PCGF5: variants seen among roughly 807,000 people sequenced by gnomAD.
PCGF5 encodes polycomb group RING finger protein 5.
A neutral mutation model predicts 44.3 loss-of-function variants in PCGF5; 9 were observed. The ratio of observed to expected loss-of-function variants is 0.20; its 90% CI spans 0.12 to 0.35. PCGF5 has a LOEUF of 0.35. PCGF5 is among the 10% of genes least tolerant of loss of function. The pLI is 1.00. For missense variants in PCGF5, 146 were observed against 305.3 expected (o/e 0.48, Z 3.89); for synonymous variants, 95 against 102.5 (o/e 0.93, Z 0.44).
At chr10:91,256,832 T>G (rs577408232) in intron 6 of PCGF5, among the ~76,000 whole-genome samples, 4 of 151,988 alleles carry the variant, frequency 2.6e-5, no homozygotes, top group Non-Finnish European at 4.4e-5. Flanking sequence ...TAAGTCTATA[T>G]TCATCAAAAA....
At chr10:91,234,022 G>T (rs1845085184) in intron 2 of PCGF5, among the ~76,000 whole-genome samples, 1 of 152,178 alleles carries the variant, frequency 6.6e-6, no homozygotes, top group African/African-American at 2.4e-5. Context: ...GCAGAAATTT[G>T]TATATTTTGA....
intron 2 of PCGF5, chr10:91,227,949 G>A (rs1234525222): frequency 9.5e-5 from 92 of 966,898 alleles, no homozygotes; most frequent in Non-Finnish European, 1.1e-4. Context: ...TAAATGCATG[G>A]CTAATAAGTT....
intron 2 of PCGF5, among the ~76,000 whole-genome samples, chr10:91,237,842 A>G (rs1330197619): frequency 1.3e-5 from 2 of 152,012 alleles, no homozygotes; most frequent in Non-Finnish European, 2.9e-5. Flanking sequence ...CCTCTTTTTT[A>G]CCAGCAAAAG....
intron 1 of PCGF5, among the ~76,000 whole-genome samples, chr10:91,186,834 C>T (rs1156422705): frequency 6.6e-6 from 1 of 152,070 alleles, no homozygotes; most frequent in East Asian, 1.9e-4. Flanking sequence ...GATTGCTTTA[C>T]ATTTATATAC....
chr10:91,263,086 C>T (rs952435582), intron 7 of PCGF5, among the ~76,000 whole-genome samples: 5 of 152,156 alleles, frequency 3.3e-5, no homozygotes, highest in Admixed American at 2.0e-4. Flanking sequence ...AAGGACTTTT[C>T]CTGTGACTTT....
chr10:91,192,836 G>T (rs1844057603), intron 1 of PCGF5, among the ~76,000 whole-genome samples: 1 of 152,102 alleles, frequency 6.6e-6, no homozygotes, highest in Non-Finnish European at 1.5e-5. Context: ...GAAAGGAGAT[G>T]TGGCAGGCAG....
At chr10:91,234,106 A>G (rs1845087124) in intron 2 of PCGF5, among the ~76,000 whole-genome samples, 1 of 152,214 alleles carries the variant, frequency 6.6e-6, no homozygotes, top group African/African-American at 2.4e-5. Context: ...CTAAGATAGC[A>G]ACAACAAATG....
chr10:91,269,534 T>G (rs1846127809), intron 8 of PCGF5, among the ~76,000 whole-genome samples: 1 of 152,182 alleles, frequency 6.6e-6, no homozygotes, highest in South Asian at 2.1e-4. Context: ...ATTTAGATTT[T>G]TTTCAAATTT....
intron 1 of PCGF5, among the ~76,000 whole-genome samples, chr10:91,202,077 T>G (rs2133235760): frequency 6.6e-6 from 1 of 152,352 alleles, no homozygotes; most frequent in Non-Finnish European, 1.5e-5. Flanking sequence ...CCTCAATTTC[T>G]TCTTTCCCAA....
At chr10:91,227,821 A>G in intron 2 of PCGF5, 1 of 988,190 alleles carries the variant, frequency 1.0e-6, no homozygotes, top group Non-Finnish European at 1.2e-6. Context: ...TCTCCTTGAA[A>G]TGAATGCCTC....
intron 2 of PCGF5, among the ~76,000 whole-genome samples, chr10:91,239,185 C>T (rs1845259619): frequency 6.6e-6 from 1 of 152,136 alleles, no homozygotes; most frequent in Non-Finnish European, 1.5e-5. Flanking sequence ...TGTTTGTTTG[C>T]CTTCCTAAAT....
chr10:91,175,844 TG>T (rs1429609414), intron 1 of PCGF5, among the ~76,000 whole-genome samples: 2 of 152,218 alleles, frequency 1.3e-5, no homozygotes, highest in African/African-American at 4.8e-5. Flanking sequence ...AGCACACTGA[TG>T]GGTCTTGACT....
At chr10:91,264,608 A>G in intron 8 of PCGF5, 88 bp downstream of exon 8, 1 of 1,017,816 alleles carries the variant, frequency 9.8e-7, no homozygotes, top group Admixed American at 2.5e-5. Flanking sequence ...ACTAAAAAAG[A>G]CAAACTAGCT....
intron 6 of PCGF5, among the ~76,000 whole-genome samples, chr10:91,257,110 C>T (rs1845772874): frequency 6.6e-6 from 1 of 151,868 alleles, no homozygotes; most frequent in Non-Finnish European, 1.5e-5. Flanking sequence ...TATAAATCAA[C>T]AATAAAAAGA....
chr10:91,227,556 C>T (rs1844879112), intron 2 of PCGF5: 1 of 1,193,640 alleles, frequency 8.4e-7, no homozygotes, highest in Non-Finnish European at 1.1e-6. Context: ...CCCTCTGTTA[C>T]TGTTCTCATT....
At chr10:91,226,340 C>T (rs766369105) in intron 2 of PCGF5, among the ~76,000 whole-genome samples, 1 of 133,190 alleles carries the variant, frequency 7.5e-6, no homozygotes, top group Non-Finnish European at 1.6e-5. Flanking sequence ...TGAGGAAGGA[C>T]AGACTATGAT....
intron 1 of PCGF5, among the ~76,000 whole-genome samples, chr10:91,199,975 A>G (rs573258759): frequency 6.6e-6 from 1 of 152,224 alleles, no homozygotes; most frequent in Non-Finnish European, 1.5e-5. Flanking sequence ...GCTGTGGGCA[A>G]CTGGAGCTCA....
chr10:91,173,758 A>G (rs1843655350), intron 1 of PCGF5, among the ~76,000 whole-genome samples: 1 of 152,054 alleles, frequency 6.6e-6, no homozygotes, highest in Non-Finnish European at 1.5e-5. Context: ...TGAATTTAGT[A>G]TTTAGGACAA....
chr10:91,234,863 G>A (rs1246155862), intron 2 of PCGF5, among the ~76,000 whole-genome samples: 2 of 152,184 alleles, frequency 1.3e-5, no homozygotes, highest in Admixed American at 1.3e-4. Context: ...TCAGATCTAG[G>A]CAGTCTGCCT....
Sources: gnomAD v4.1 joint callset for allele counts (sites outside exome capture counted in the v4.1 genomes callset) on GRCh38, gnomAD v4.1.1 for gene constraint, MANE v1.5 for transcripts, NCBI Gene and HGNC (gene_info 2026-07-23, HGNC 2026-07-21) for gene names.